SMPD3: variants seen among roughly 807,000 people sequenced by gnomAD.
SMPD3 encodes sphingomyelin phosphodiesterase 3, also known as nSMase-2.
Under a neutral mutation model 55.7 loss-of-function variants are expected in SMPD3, and 21 were observed. The observed-to-expected ratio is 0.38, with a 90% CI of 0.27 to 0.54. SMPD3 has a LOEUF of 0.54. SMPD3 is among the 20% of genes least tolerant of loss of function. The probability of loss-of-function intolerance (pLI) is 0.80; values close to 1 mark genes in which losing one functional copy is unlikely to be tolerated. For synonymous variants in SMPD3, 457 were observed against 404.3 expected, an observed-to-expected ratio of 1.13 and a Z score of -1.56; for missense variants, 842 against 899.6, an observed-to-expected ratio of 0.94 and a Z score of 0.82.
chr16:68,390,556 G>A (rs926385182), intron 1 of SMPD3, among the ~76,000 whole-genome samples: 1 of 152,212 alleles, frequency 6.6e-6, no homozygotes, highest in African/African-American at 2.4e-5. Context: ...AGCTACTTGC[G>A]CTGCTGAAGT....
intron 2 of SMPD3, among the ~76,000 whole-genome samples, chr16:68,377,184 G>T (rs1372079680): frequency 6.6e-6 from 1 of 152,216 alleles, no homozygotes; most frequent in African/African-American, 2.4e-5. Flanking sequence ...GACTTCACTA[G>T]CTTGTGGCTG....
At chr16:68,419,033 GC>G (rs1301890391) in intron 1 of SMPD3, among the ~76,000 whole-genome samples, 1 of 152,186 alleles carries the variant, frequency 6.6e-6, no homozygotes, top group African/African-American at 2.4e-5. Flanking sequence ...TGGGTACAGG[GC>G]AGGCCCCAGT....
intron 3 of SMPD3, chr16:68,367,614 TG>T (rs1222543034): frequency 6.6e-6 from 1 of 152,278 alleles, no homozygotes; most frequent in Non-Finnish European, 1.5e-5. Context: ...GGCCTCAGAC[TG>T]GGCCCTGCAC....
chr16:68,390,576 G>A (rs142966017), intron 1 of SMPD3, among the ~76,000 whole-genome samples: 12 of 152,320 alleles, frequency 7.9e-5, no homozygotes, highest in African/African-American at 2.6e-4. Context: ...TGGGAAGATC[G>A]CTGGAGCCCA....
intron 1 of SMPD3, among the ~76,000 whole-genome samples, chr16:68,399,824 C>T (rs941015547): frequency 6.6e-6 from 1 of 152,148 alleles, no homozygotes; most frequent in African/African-American, 2.4e-5. Context: ...GAGAGGAGCC[C>T]CTTGCTATAA....
intron 1 of SMPD3, among the ~76,000 whole-genome samples, chr16:68,444,417 C>T (rs1323469282): frequency 6.6e-6 from 1 of 152,218 alleles, no homozygotes; most frequent in African/African-American, 2.4e-5. Context: ...TGTTCAGATT[C>T]TTCAACATGA....
intron 1 of SMPD3, among the ~76,000 whole-genome samples, chr16:68,399,766 T>C (rs1306439734): frequency 1.3e-5 from 2 of 152,234 alleles, no homozygotes; most frequent in East Asian, 1.9e-4. Context: ...TTTGGAAGAC[T>C]GCAGCAGTGG....
chr16:68,407,906 T>C (rs1232639190), intron 1 of SMPD3, among the ~76,000 whole-genome samples: 6 of 152,362 alleles, frequency 3.9e-5, no homozygotes, highest in African/African-American at 1.2e-4. Context: ...AAAAGTACTT[T>C]CTTTTAAAAA....
At chr16:68,363,236 T>C (rs1037804118) in intron 7 of SMPD3, among the ~76,000 whole-genome samples, 2 of 152,140 alleles carry the variant, frequency 1.3e-5, no homozygotes, top group African/African-American at 4.8e-5. Context: ...GGGGCAGGGC[T>C]AGCTCCTGAA....
In SMPD3 at chr16:68,371,346, G is replaced by T; in HGVS notation, c.836C>A (p.Thr279Lys). The T allele has an allele frequency of 6.3e-7, 1 of 1,584,238 alleles. No homozygotes were observed. The highest frequency in any genetic ancestry group is 1.7e-5 in the Admixed American group (1 of 58,002). Residue 279 changes from threonine (T) to lysine (K), a missense_variant, in exon 3 of 9, where the codon ACG (threonine) becomes AAG (lysine). Transcript: ENST00000219334. ...CCCGTCCTGCTGATTATGGTTGGGC[G>T]TCTGGCCCCTTGGGCCCCCGCCAGC... ...NGAGGGPRGQ[T>K]PNHNQQDGDS...
chr16:68,362,087 A>G (rs993911283), intron 7 of SMPD3, among the ~76,000 whole-genome samples: 3 of 152,160 alleles, frequency 2.0e-5, no homozygotes, highest in Admixed American at 1.3e-4. Context: ...CCCTGAGCCA[A>G]CAGGGGCCTG....
chr16:68,394,323 A>G (rs1189889173), intron 1 of SMPD3, among the ~76,000 whole-genome samples: 1 of 152,152 alleles, frequency 6.6e-6, no homozygotes, highest in East Asian at 1.9e-4. Context: ...CTTATCCTCA[A>G]CATCACTAAT....
intron 1 of SMPD3, among the ~76,000 whole-genome samples, chr16:68,393,711 C>G (rs2090131986): frequency 6.6e-6 from 1 of 152,140 alleles, no homozygotes; most frequent in Non-Finnish European, 1.5e-5. Context: ...TTCAATTGGT[C>G]CATTCTAATT....
At chr16:68,434,693 G>T (rs2090507725) in intron 1 of SMPD3, among the ~76,000 whole-genome samples, 1 of 152,122 alleles carries the variant, frequency 6.6e-6, no homozygotes, top group African/African-American at 2.4e-5. Flanking sequence ...CATAGCTGAT[G>T]ATTTCTTTTC....
At chr16:68,431,513 A>T (rs1055973518) in intron 1 of SMPD3, among the ~76,000 whole-genome samples, 6 of 152,106 alleles carry the variant, frequency 3.9e-5, no homozygotes, top group African/African-American at 1.4e-4. Context: ...CCCATTTATA[A>T]TGTGCATGGG....
At chr16:68,396,706 G>A (rs1356111633) in intron 1 of SMPD3, among the ~76,000 whole-genome samples, 3 of 152,188 alleles carry the variant, frequency 2.0e-5, no homozygotes, top group Admixed American at 6.5e-5. Context: ...CAGAAGGTTC[G>A]ATTCCCTTTG....
chr16:68,444,394 C>A (rs982393033), intron 1 of SMPD3, among the ~76,000 whole-genome samples: 1 of 152,228 alleles, frequency 6.6e-6, no homozygotes, highest in Non-Finnish European at 1.5e-5. Flanking sequence ...ATGCATGCTG[C>A]CACTTGCATG....
At chr16:68,420,277 C>T (rs1002046597) in intron 1 of SMPD3, among the ~76,000 whole-genome samples, 1 of 152,148 alleles carries the variant, frequency 6.6e-6, no homozygotes, top group African/African-American at 2.4e-5. Flanking sequence ...ACTATAGGCA[C>T]CTTTCATATC....
intron 1 of SMPD3, among the ~76,000 whole-genome samples, chr16:68,430,453 G>A (rs1209559533): frequency 6.6e-6 from 1 of 152,182 alleles, no homozygotes; most frequent in Non-Finnish European, 1.5e-5. Flanking sequence ...TTTAGACTCC[G>A]AGGCTGAGCA....
Sources: allele counts gnomAD v4.1 joint callset (sites outside exome capture counted in the v4.1 genomes callset), GRCh38; gene constraint gnomAD v4.1.1; transcripts MANE v1.5; gene names NCBI Gene and HGNC (gene_info 2026-07-23, HGNC 2026-07-21).